The following ELP6 variants were observed in gnomAD, a reference collection of about 807,000 sequenced individuals.
ELP6 encodes the protein elongator complex protein 6.
In ELP6, 23 loss-of-function variants were observed where a neutral mutation model predicts 28.1. The ratio of observed to expected loss-of-function variants is 0.82; its 90% confidence interval spans 0.59 to 1.16. The LOEUF (loss-of-function observed/expected upper bound fraction) is 1.16, where lower values mean the gene tolerates loss of function less well. ELP6 is among the 50% of genes most tolerant of loss of function. The pLI, the probability that ELP6 is intolerant of heterozygous loss-of-function variation, is 0.00. For synonymous variants in ELP6, 132 were observed against 135.8 expected (o/e 0.97, Z 0.19); for missense variants, 313 against 334.6 (o/e 0.94, Z 0.50).
chr3:47,502,412 T>A (rs1286115747), intron 4 of ELP6: 1 of 889,170 alleles, frequency 1.1e-6, no homozygotes, highest in Non-Finnish European at 1.3e-6. Context: ...TGAGACTCTG[T>A]CTCAAAAAAA....
chr3:47,512,980 C>T, intron 1 of ELP6: 1 of 979,228 alleles, frequency 1.0e-6, no homozygotes, highest in African/African-American at 1.8e-5. Context: ...GTCGGCCATG[C>T]TTCCCAGGTA....
chr3:47,496,111 G>A lies in ELP6; in HGVS notation c.759C>T (p.Ser253=), dbSNP rs142933724. The A allele has an allele frequency of 4.3e-5, 69 of 1,614,146 alleles. 1 individual carries two copies. Among genetic ancestry groups the A allele is most frequent in the African/African-American group, 4.1e-4 (31 of 75,038 alleles). The change falls in exon 7 of 7, where the codon AGC becomes AGT. Residue 253 remains serine (S), a synonymous_variant. Coordinates refer to ENST00000296149, the MANE Select transcript of ELP6 (RefSeq NM_001031703.3). ...FTYQYKIQDK[S]VSFFAKGMSP... is the part of the protein sequence containing the mutation. ...ACATTCCTTTGGCAAAAAAGGACAC[G>A]CTTTTGTCCTGTATCTTATACTGGT...
chr3:47,510,610 T>C (rs1197804302), intron 2 of ELP6, among the ~76,000 whole-genome samples: 1 of 152,120 alleles, frequency 6.6e-6, no homozygotes, highest in Admixed American at 6.6e-5. Flanking sequence ...GCTGGAACTA[T>C]AGGCATGCCC....
At chr3:47,496,530 C>T (rs1708486407) in intron 6 of ELP6, 1 of 957,582 alleles carries the variant, frequency 1.0e-6, no homozygotes, top group South Asian at 4.8e-5. Context: ...GAGTCTCACT[C>T]TGTTGCCCAG....
At chr3:47,498,240 C>T (rs1275211236) in intron 6 of ELP6, 46 bp downstream of exon 6, 1 of 1,607,234 alleles carries the variant, frequency 6.2e-7, no homozygotes, top group Non-Finnish European at 8.5e-7. Flanking sequence ...TCAAGAATCA[C>T]AGGTACACGG....
In ELP6 at chr3:47,496,172, G is replaced by A. The variant is rs750714055; in HGVS notation, c.698C>T (p.Ser233Leu). 74 of 1,613,900 alleles carry A rather than the reference G, an allele frequency of 4.6e-5. 2 individuals carry two copies. Among genetic ancestry groups the A allele is most frequent in the South Asian group, 1.5e-4 (14 of 91,078 alleles). ...GQLRILWRRP[S>L]QPAVHRDQSF... ...CTGATCCCGGTGGACTGCGGGCTGC[G>A]ATGGTCTCCTCCACAGGATCCTCAG... is the stretch of plus-strand genomic sequence containing the variant. The change falls in exon 7 of 7, where the codon TCG becomes TTG. Residue 233 changes from serine (S) to leucine (L), a missense_variant. Transcript: ENST00000296149.
intron 4 of ELP6, chr3:47,503,521 G>A (rs544309771): frequency 3.3e-5 from 32 of 980,756 alleles, no homozygotes; most frequent in Admixed American, 1.4e-4. Flanking sequence ...ATTTGTTGCT[G>A]TAGTGCAAAA....
In ELP6 at chr3:47,513,488, C is replaced by T. The variant is rs376118253; in HGVS notation, c.54+49G>A. On this transcript the variant is annotated intron_variant, in intron 1 of 6. Transcript: ENST00000296149. Reference sequence around the variant, plus strand: ...CGCACCGCCTCCCGGATGCAGTATTCCGCTGCCCTGCCAGGTCCCGCCCCC... The same window carrying T: ...CGCACCGCCTCCCGGATGCAGTATTTCGCTGCCCTGCCAGGTCCCGCCCCC... The T allele has an allele frequency of 1.1e-4, 174 of 1,595,844 alleles. No homozygotes were observed. The African/African-American group carries it at 1.9e-3, about 18-fold the overall frequency.
intron 4 of ELP6, chr3:47,503,030 C>T: frequency 3.0e-6 from 3 of 1,015,282 alleles, no homozygotes; most frequent in South Asian, 7.9e-5. Flanking sequence ...GAACAGAGCC[C>T]AGGGCCCAGG....
At chr3:47,507,090 T>C (rs545465759) in intron 3 of ELP6, among the ~76,000 whole-genome samples, 2 of 152,288 alleles carry the variant, frequency 1.3e-5, no homozygotes, top group South Asian at 2.1e-4. Flanking sequence ...TGGCTGGGCA[T>C]GGTGGTTCAC....
At chr3:47,497,258 A>T (rs1708502594) in intron 6 of ELP6, 1 of 985,282 alleles carries the variant, frequency 1.0e-6, no homozygotes. Flanking sequence ...GTTTCTGCCC[A>T]AGTACTCCAA....
rs1406760917 is a variant in ELP6, at chr3:47,513,646, C to T, written c.-56G>A. 2 of 1,607,578 alleles carry T rather than the reference C, an allele frequency of 1.2e-6. No individual in the cohort carries two copies. Among genetic ancestry groups the T allele is most frequent in the African/African-American group, 1.3e-5 (1 of 74,796 alleles). On this transcript the variant is annotated 5_prime_UTR_variant, in exon 1 of 7. Coordinates refer to ENST00000296149, the MANE Select transcript of ELP6 (RefSeq NM_001031703.3). ...AGAACCCGGAGTGCTGCAGAGACGA[C>T]GGAGGCTGGAGAGCAAAACACACCC...
chr3:47,496,081 A>G lies in ELP6; in HGVS notation c.789T>C (p.Pro263=), dbSNP rs377531145. 1.7e-5 allele frequency: 27 copies of G among 1,614,056 alleles called. No individual in the cohort carries two copies. Among genetic ancestry groups the G allele is most frequent in the Non-Finnish European group, 4.2e-6 (5 of 1,180,026 alleles). The stretch of plus-strand genomic sequence containing the variant: ...CTCCGAAATCAGGTCACAGAACAGC[A>G]GGAGACATTCCTTTGGCAAAAAAGG... The part of the protein sequence containing the change: ...SVSFFAKGMS[P]AVL The change falls in exon 7 of 7, where the codon CCT becomes CCC. Residue 263 remains proline (P), a synonymous_variant. Coordinates refer to ENST00000296149, the MANE Select transcript of ELP6 (RefSeq NM_001031703.3).
At chr3:47,500,649 C>A (rs1182804491) in intron 5 of ELP6, among the ~76,000 whole-genome samples, 1 of 152,168 alleles carries the variant, frequency 6.6e-6, no homozygotes, top group African/African-American at 2.4e-5. Context: ...TACTGTCACC[C>A]CCTAATCCTA....
At chr3:47,512,853 C>T in intron 1 of ELP6, 1 of 982,578 alleles carries the variant, frequency 1.0e-6, no homozygotes, top group Non-Finnish European at 1.2e-6. Flanking sequence ...GCGAAACGAA[C>T]TCCCCTCTCC....
chr3:47,496,400 G>A (rs978743243), intron 6 of ELP6: 1 of 984,186 alleles, frequency 1.0e-6, no homozygotes, highest in African/African-American at 1.8e-5. Flanking sequence ...CATTACAGTA[G>A]TCATATTGGC....
intron 3 of ELP6, among the ~76,000 whole-genome samples, chr3:47,509,398 G>A (rs1242833651): frequency 6.6e-6 from 1 of 152,202 alleles, no homozygotes; most frequent in African/African-American, 2.4e-5. Context: ...CTAGTAACAG[G>A]TAATGTCCCA....
chr3:47,496,900 A>G (rs1198097023), intron 6 of ELP6: 2 of 985,228 alleles, frequency 2.0e-6, no homozygotes, highest in Non-Finnish European at 2.4e-6. Flanking sequence ...AAGGCTAGAT[A>G]CCTGTTTTGA....
Position 47,495,862 on chromosome 3 carries a change from C to G in ELP6, c.*207G>C. On this transcript the variant is annotated 3_prime_UTR_variant, in exon 7 of 7. Transcript: ENST00000296149. Reference sequence around the variant, plus strand: ...CATCCAGCCTCTCTCTCAGCAAAGGCAGGATTGTGGTCCCTTGTGTTTTCT... The same window carrying G: ...CATCCAGCCTCTCTCTCAGCAAAGGGAGGATTGTGGTCCCTTGTGTTTTCT... 1.4e-6 allele frequency: 1 copy of G among 716,272 alleles called. No homozygotes were observed. The highest frequency in any genetic ancestry group is 2.1e-6 in the Non-Finnish European group (1 of 470,780). The allele number at this position is 716,272 out of a possible 1,614,324, so 44.4% of individuals were successfully genotyped here. A position where few individuals can be genotyped will look rare whatever the true frequency, so the allele number is the denominator to read the frequency against.
Sources: gnomAD v4.1 joint callset for allele counts (sites outside exome capture counted in the v4.1 genomes callset) on GRCh38, gnomAD v4.1.1 for gene constraint, MANE v1.5 for transcripts, NCBI Gene and HGNC (gene_info 2026-07-23, HGNC 2026-07-21) for gene names.